CACNG2: variants seen among roughly 807,000 people sequenced by gnomAD.
The protein encoded by CACNG2 is voltage-dependent calcium channel gamma-2 subunit.
In CACNG2, 3 loss-of-function variants were observed where a neutral mutation model predicts 25.9. That is an observed-to-expected ratio of 0.12 (90% CI 0.05 to 0.30). The LOEUF (loss-of-function observed/expected upper bound fraction) is 0.30, where lower values mean the gene tolerates loss of function less well. Among genes scored for constraint, CACNG2 ranks in the 10% least tolerant of loss-of-function variants. The pLI is 1.00. For missense variants in CACNG2, 341 were observed against 432.5 expected (o/e 0.79, Z 1.88); for synonymous variants, 167 against 173.3 (o/e 0.96, Z 0.29).
At chr22:36,618,517 G>T (rs562105438) in intron 1 of CACNG2, among the ~76,000 whole-genome samples, 1 of 152,364 alleles carries the variant, frequency 6.6e-6, no homozygotes, top group South Asian at 2.1e-4. Flanking sequence ...GAATGAAATG[G>T]ACACAGTCAG....
rs762381615 is a variant in CACNG2, at chr22:36,561,104, C to G, written c.*3247G>C. 2 of 152,296 alleles carry G rather than the reference C, an allele frequency of 1.3e-5. No homozygotes were observed. Among genetic ancestry groups the G allele is most frequent in the Non-Finnish European group, 2.9e-5 (2 of 68,134 alleles). The allele number at this position is 152,296 out of a possible 1,614,324, so 9.4% of individuals were successfully genotyped here. A position where few individuals can be genotyped will look rare whatever the true frequency, so the allele number is the denominator to read the frequency against. On this transcript the variant is annotated 3_prime_UTR_variant, in exon 4 of 4. Coordinates refer to ENST00000300105, the MANE Select transcript of CACNG2 (RefSeq NM_006078.5). ...CTCCTTCCCTCCGGACCCCCTAGCC[C>G]CTTCTCAGCCATGGCGATGTCACCC...
At chr22:36,641,745 A>G (rs960097934) in intron 1 of CACNG2, among the ~76,000 whole-genome samples, 1 of 152,228 alleles carries the variant, frequency 6.6e-6, no homozygotes, top group Non-Finnish European at 1.5e-5. Context: ...TGTCTTGTCT[A>G]TTGAATGACT....
chr22:36,644,811 T>C (rs1936494638), intron 1 of CACNG2, among the ~76,000 whole-genome samples: 1 of 152,044 alleles, frequency 6.6e-6, no homozygotes, highest in Admixed American at 6.5e-5. Context: ...TTTTTGTTTG[T>C]TTTTGTTTTT....
chr22:36,578,355 C>A, intron 2 of CACNG2, among the ~76,000 whole-genome samples: 1 of 76,176 alleles, frequency 1.3e-5, no homozygotes, highest in East Asian at 2.6e-4. Context: ...GAGACTCAAT[C>A]TCAAAAAAAA....
At chr22:36,575,650 A>T (rs1935300603) in intron 2 of CACNG2, among the ~76,000 whole-genome samples, 1 of 152,038 alleles carries the variant, frequency 6.6e-6, no homozygotes, top group Admixed American at 6.6e-5. Flanking sequence ...CTGCACTCTG[A>T]TGAGGTTGGA....
intron 1 of CACNG2, among the ~76,000 whole-genome samples, chr22:36,609,466 T>G (rs1935895424): frequency 8.4e-6 from 1 of 119,136 alleles, no homozygotes. Context: ...TAGAGTGTGA[T>G]CGGGCAGGAA....
chr22:36,679,231 C>CTTTCTTTCTTTCCTTCT (rs1569049917), intron 1 of CACNG2, among the ~76,000 whole-genome samples: 3 of 86,714 alleles, frequency 3.5e-5, no homozygotes, highest in African/African-American at 1.7e-4. Context: ...TCTTTCTTTC[C>CTTTCTTTCTTTCCTTCT]TTCTTTCTTT....
chr22:36,578,114 C>A (rs1032709607), intron 2 of CACNG2, among the ~76,000 whole-genome samples: 1 of 152,034 alleles, frequency 6.6e-6, no homozygotes, highest in Non-Finnish European at 1.5e-5. Context: ...GTCATCCCAG[C>A]ACTTTGGGAG....
intron 1 of CACNG2, among the ~76,000 whole-genome samples, chr22:36,664,531 G>A (rs78094770): frequency 2.6e-5 from 4 of 152,238 alleles, no homozygotes; most frequent in Non-Finnish European, 4.4e-5. Context: ...ACCCCTTTCC[G>A]GGCTAGGGAT....
Position 36,699,219 on chromosome 22 carries a change from C to T in CACNG2, c.211+3147G>A, listed in dbSNP as rs1013430541. On this transcript the variant is annotated intron_variant, in intron 1 of 3. Coordinates refer to ENST00000300105, the MANE Select transcript of CACNG2 (RefSeq NM_006078.5). ...CTCGAATCCCCCTAAGGACACCAGC[C>T]TGCTGGGGATTTCAAGTTCACACAC... Among the ~76,000 whole-genome samples the T allele has an allele frequency of 3.4e-5, 5 of 147,036 alleles. No homozygotes were observed. The South Asian group carries it at 1.1e-3, about 32-fold the overall frequency.
chr22:36,572,516 A>T (rs1194419622), intron 2 of CACNG2, among the ~76,000 whole-genome samples: 1 of 152,204 alleles, frequency 6.6e-6, no homozygotes, highest in Non-Finnish European at 1.5e-5. Context: ...AGCATGGCCA[A>T]TATGGCGAAA....
At chr22:36,618,690 G>A (rs1936061826) in intron 1 of CACNG2, among the ~76,000 whole-genome samples, 1 of 152,218 alleles carries the variant, frequency 6.6e-6, no homozygotes. Context: ...GGAGGCTGAG[G>A]CGAGCGGATC....
chr22:36,583,978 C>A (rs571708407), intron 2 of CACNG2, among the ~76,000 whole-genome samples: 1 of 152,338 alleles, frequency 6.6e-6, no homozygotes, highest in South Asian at 2.1e-4. Context: ...GCTTTAAGGA[C>A]TTTGCTCTTG....
chr22:36,627,683 C>T (rs1246395620), intron 1 of CACNG2, among the ~76,000 whole-genome samples: 3 of 150,192 alleles, frequency 2.0e-5, no homozygotes, highest in Non-Finnish European at 2.9e-5. Flanking sequence ...AGTGCAGTGG[C>T]ACCATCATAG....
chr22:36,648,587 C>G (rs757963978), intron 1 of CACNG2, among the ~76,000 whole-genome samples: 1 of 152,120 alleles, frequency 6.6e-6, no homozygotes, highest in Admixed American at 6.5e-5. Flanking sequence ...TTCTGACCTC[C>G]TACTTCACCC....
chr22:36,633,827 T>A (rs769854755), intron 1 of CACNG2, among the ~76,000 whole-genome samples: 1 of 152,192 alleles, frequency 6.6e-6, no homozygotes, highest in Non-Finnish European at 1.5e-5. Context: ...CAGTAACACA[T>A]TTGAAATAAA....
intron 2 of CACNG2, among the ~76,000 whole-genome samples, chr22:36,577,670 A>G (rs1181776627): frequency 6.7e-6 from 1 of 149,002 alleles, no homozygotes; most frequent in Non-Finnish European, 1.5e-5. Context: ...AAAAAAAAAA[A>G]GAAATGAACT....
intron 1 of CACNG2, among the ~76,000 whole-genome samples, chr22:36,652,976 A>G (rs1163363064): frequency 6.6e-6 from 1 of 152,044 alleles, no homozygotes; most frequent in Non-Finnish European, 1.5e-5. Context: ...GTAGGCAAAG[A>G]CAGAGATGTG....
rs1388962648 is a variant in CACNG2 at position 36,703,269 on chromosome 22, C to T, written c.-693G>A. The T allele has an allele frequency of 1.6e-5, 2 of 126,870 alleles. No individual in the cohort carries two copies. The highest frequency in any genetic ancestry group is 2.3e-4 in the East Asian group (1 of 4,320). 7.9% of individuals were successfully genotyped at this position (126,870 alleles called of 1,614,324 possible). On this transcript the variant is annotated 5_prime_UTR_variant, in exon 1 of 4. Transcript: ENST00000300105. ...GGCGGCGGCGGCGGCGGCGGCAGGG[C>T]GGGCAGGCGCGGCGGCGGCGGCGGC...
Sources: allele counts gnomAD v4.1 joint callset (sites outside exome capture counted in the v4.1 genomes callset), GRCh38; gene constraint gnomAD v4.1.1; transcripts MANE v1.5; gene names NCBI Gene and HGNC (gene_info 2026-07-23, HGNC 2026-07-21).